DSE: variants seen among roughly 807,000 people sequenced by gnomAD.
DSE encodes dermatan sulfate epimerase, also known as dermatan-sulfate epimerase.
A neutral mutation model predicts 84.4 loss-of-function variants in DSE; 36 were observed. The observed-to-expected ratio is 0.43, with a 90% CI of 0.33 to 0.56. The LOEUF is 0.56. DSE is among the 20% of genes least tolerant of loss of function. DSE has a pLI of 0.06. For missense variants in DSE, 862 were observed against 1,169.6 expected (o/e 0.74, Z 3.84); for synonymous variants, 410 against 430.1 (o/e 0.95, Z 0.58).
chr6:116,254,224 C>G, exon 1 of DSE: 1 of 711,118 alleles, frequency 1.4e-6, no homozygotes, highest in East Asian at 2.7e-5. Context: ...GTCTTCTTGT[C>G]ACAAAAAGAA....
intron 2 of DSE, among the ~76,000 whole-genome samples, chr6:116,426,040 C>A (rs1783429277): frequency 6.6e-6 from 1 of 152,226 alleles, no homozygotes; most frequent in Non-Finnish European, 1.5e-5. Context: ...ACGCTTCCCA[C>A]CATGGTGATG....
intron 2 of DSE, among the ~76,000 whole-genome samples, chr6:116,307,868 A>G (rs1431442113): frequency 6.6e-6 from 1 of 152,264 alleles, no homozygotes; most frequent in East Asian, 1.9e-4. Flanking sequence ...AGTCAAGTTC[A>G]GGTAAAATTA....
rs1784216737 is a variant in DSE at position 116,437,058 on chromosome 6, G to A, written c.2590G>A (p.Asp864Asn). The A allele has an allele frequency of 6.2e-7, 1 of 1,614,072 alleles. No homozygotes were observed. The highest frequency in any genetic ancestry group is 8.5e-7 in the Non-Finnish European group (1 of 1,180,016). Reference protein sequence around the residue: ...EEMKDLLDFADVTYEKHKNGG... With the variant: ...EEMKDLLDFANVTYEKHKNGG... ...AATGAAAGACCTTTTAGATTTTGCA[G>A]ATGTAACATACGAGAAACATAAAAA... Residue 864 changes from aspartate (D) to asparagine (N), a missense_variant, in exon 6 of 6, where the codon GAT (aspartate) becomes AAT (asparagine). By Grantham distance (23) the Asp-to-Asn change is conservative. Coordinates refer to ENST00000644252, the MANE Select transcript of DSE (RefSeq NM_013352.4).
At chr6:116,402,084 GC>G (rs1781633691) in intron 2 of DSE, among the ~76,000 whole-genome samples, 1 of 152,122 alleles carries the variant, frequency 6.6e-6, no homozygotes, top group African/African-American at 2.4e-5. Flanking sequence ...TGTGTATCAT[GC>G]ACTGTGCTAG....
At chr6:116,378,961 C>T (rs982785220) in intron 1 of DSE, among the ~76,000 whole-genome samples, 2 of 152,050 alleles carry the variant, frequency 1.3e-5, no homozygotes, top group Non-Finnish European at 2.9e-5. Context: ...AACCTGGAAA[C>T]TTCTGTCATA....
At chr6:116,279,968 C>G (rs1433083273) in intron 2 of DSE, 1 of 1,264,030 alleles carries the variant, frequency 7.9e-7, no homozygotes, top group Non-Finnish European at 1.1e-6. Context: ...CTGGAGATCT[C>G]ACGGTATCGC....
chr6:116,273,425 A>C (rs568513386), intron 2 of DSE, among the ~76,000 whole-genome samples: 33 of 152,246 alleles, frequency 2.2e-4, no homozygotes, highest in Non-Finnish European at 3.8e-4. Flanking sequence ...ATGGCCCTTC[A>C]GAGCTCAAAG....
chr6:116,296,729 A>G (rs1341633636), intron 2 of DSE, among the ~76,000 whole-genome samples: 1 of 152,216 alleles, frequency 6.6e-6, no homozygotes, highest in African/African-American at 2.4e-5. Context: ...AAATGAGGTC[A>G]GAAAGATGAA....
chr6:116,408,392 C>G (rs1394712252), intron 2 of DSE, among the ~76,000 whole-genome samples: 1 of 152,050 alleles, frequency 6.6e-6, no homozygotes, highest in Admixed American at 6.5e-5. Flanking sequence ...TTTCGGGGTT[C>G]CAAGAGCCAC....
chr6:116,407,542 C>T (rs1782013534), intron 2 of DSE, among the ~76,000 whole-genome samples: 2 of 152,120 alleles, frequency 1.3e-5, no homozygotes, highest in African/African-American at 4.8e-5. Flanking sequence ...CTTTTAGGAC[C>T]TCTTGGCCAT....
intron 2 of DSE, among the ~76,000 whole-genome samples, chr6:116,404,773 T>C (rs1781809577): frequency 6.6e-6 from 1 of 152,272 alleles, no homozygotes; most frequent in African/African-American, 2.4e-5. Flanking sequence ...TTAGCTATGT[T>C]GTCACTCTGG....
At chr6:116,316,807 T>A (rs1013932924) in intron 2 of DSE, among the ~76,000 whole-genome samples, 6 of 138,052 alleles carry the variant, frequency 4.3e-5, no homozygotes, top group East Asian at 2.1e-4. Flanking sequence ...TATTTCTTCT[T>A]CTACTACTAC....
At chr6:116,430,077 G>A (rs1230071194) in intron 3 of DSE, among the ~76,000 whole-genome samples, 1 of 152,176 alleles carries the variant, frequency 6.6e-6, no homozygotes, top group Admixed American at 6.5e-5. Flanking sequence ...TTTCAGTGGG[G>A]AGATTAAAAT....
intron 2 of DSE, chr6:116,278,886 A>G: frequency 6.2e-7 from 1 of 1,614,158 alleles, no homozygotes; most frequent in Non-Finnish European, 8.5e-7. Context: ...AACCGGTTCT[A>G]GGGTGTCTGA....
chr6:116,332,063 C>T (rs1776977167), intron 2 of DSE, among the ~76,000 whole-genome samples: 1 of 152,086 alleles, frequency 6.6e-6, no homozygotes, highest in African/African-American at 2.4e-5. Flanking sequence ...AAAATTGTAT[C>T]CCAGCAACCT....
intron 2 of DSE, among the ~76,000 whole-genome samples, chr6:116,259,685 T>G (rs1261711994): frequency 6.6e-6 from 1 of 152,186 alleles, no homozygotes; most frequent in African/African-American, 2.4e-5. Flanking sequence ...CCAGTGTGTG[T>G]TGTTCGTCCA....
chr6:116,401,475 A>G (rs1781588268), intron 2 of DSE, among the ~76,000 whole-genome samples: 1 of 152,114 alleles, frequency 6.6e-6, no homozygotes, highest in Non-Finnish European at 1.5e-5. Context: ...TTGACCTTCA[A>G]GGTAAAATCT....
intron 2 of DSE, among the ~76,000 whole-genome samples, chr6:116,330,122 GC>G (rs1373119013): frequency 3.9e-5 from 6 of 152,192 alleles, no homozygotes; most frequent in Admixed American, 3.3e-4. Context: ...ACTGCGCCTG[GC>G]CCATACTAAT....
chr6:116,305,391 G>T (rs987997031), intron 2 of DSE, among the ~76,000 whole-genome samples: 1 of 152,056 alleles, frequency 6.6e-6, no homozygotes, highest in African/African-American at 2.4e-5. Flanking sequence ...TTAAAGAAAA[G>T]GTTAGTTTCC....
Sources: allele counts gnomAD v4.1 joint callset (sites outside exome capture counted in the v4.1 genomes callset), GRCh38; gene constraint gnomAD v4.1.1; transcripts MANE v1.5; gene names NCBI Gene and HGNC (gene_info 2026-07-23, HGNC 2026-07-21).